Variants in KDM2B observed in about 807,000 individuals in gnomAD.
KDM2B encodes lysine demethylase 2B.
Under a neutral mutation model 150.0 loss-of-function variants are expected in KDM2B, and 26 were observed. That is an observed-to-expected ratio of 0.17 (90% CI 0.13 to 0.24). The LOEUF is 0.24. Among genes scored for constraint, KDM2B ranks in the 10% least tolerant of loss-of-function variants. The pLI, the probability that KDM2B is intolerant of heterozygous loss-of-function variation, is 1.00. For synonymous variants in KDM2B, 734 were observed against 729.5 expected, an observed-to-expected ratio of 1.01 and a Z score of -0.10; for missense variants, 1,265 against 1,816.9, an observed-to-expected ratio of 0.70 and a Z score of 5.52.
intron 6 of KDM2B, among the ~76,000 whole-genome samples, chr12:121,538,963 G>GA (rs528021506): frequency 1.2e-4 from 19 of 152,006 alleles, no homozygotes; most frequent in Non-Finnish European, 2.5e-4. Context: ...AAGGTCACCA[G>GA]AGTCCCCGCC....
At chr12:121,536,821 G>A (rs1317831676) in intron 6 of KDM2B, among the ~76,000 whole-genome samples, 1 of 152,230 alleles carries the variant, frequency 6.6e-6, no homozygotes, top group Non-Finnish European at 1.5e-5. Context: ...ACCCACAGCA[G>A]AGAGGAGAGG....
At chr12:121,546,468 C>T (rs1555310695) in intron 6 of KDM2B, among the ~76,000 whole-genome samples, 6 of 145,230 alleles carry the variant, frequency 4.1e-5, no homozygotes. Flanking sequence ...CTGCAAGCTC[C>T]ACCTCCTGGG....
chr12:121,511,466 A>G (rs1435083102), intron 10 of KDM2B, among the ~76,000 whole-genome samples: 1 of 151,888 alleles, frequency 6.6e-6, no homozygotes, highest in Non-Finnish European at 1.5e-5. Context: ...TCATATTTTT[A>G]GTAGAGACGA....
In KDM2B at chr12:121,559,197, G is replaced by A. The variant is rs533983366; in HGVS notation, c.398-9559C>T. On this transcript the variant is annotated intron_variant, in intron 4 of 22. Coordinates refer to ENST00000377071, the MANE Select transcript of KDM2B (RefSeq NM_032590.5). ...TGGGGCTGAAGTCATAGGGGGAAGC[G>A]TATAGGCAAGAGGCCTGGGCAGGCC... is the stretch of plus-strand genomic sequence containing the variant. 1.1e-4 allele frequency among the ~76,000 whole-genome samples: 16 copies of A among 152,326 alleles called. No individual in the cohort carries two copies. In the South Asian group the frequency reaches 1.2e-3, roughly 12 times the overall value.
intron 12 of KDM2B, among the ~76,000 whole-genome samples, chr12:121,479,745 C>G (rs1881873998): frequency 6.6e-6 from 1 of 152,028 alleles, no homozygotes; most frequent in Admixed American, 6.6e-5. Flanking sequence ...CCTCAGCCTC[C>G]CAAGTAGCTG....
At chr12:121,547,060 C>A (rs1555310810) in intron 6 of KDM2B, among the ~76,000 whole-genome samples, 1 of 152,250 alleles carries the variant, frequency 6.6e-6, no homozygotes, top group Admixed American at 6.5e-5. Flanking sequence ...CCTGATGACA[C>A]CAGCCAAATG....
At chr12:121,492,051 G>A (rs975189442) in intron 12 of KDM2B, among the ~76,000 whole-genome samples, 13 of 152,028 alleles carry the variant, frequency 8.6e-5, no homozygotes, top group South Asian at 8.3e-4. Context: ...CCAGCTACTC[G>A]GGAGGCTAAG....
rs781891058 is a variant in KDM2B at position 121,442,454 on chromosome 12, C to G, written c.2987G>C (p.Arg996Pro). The G allele has an allele frequency of 6.3e-7, 1 of 1,599,706 alleles. No homozygotes were observed. The highest frequency in any genetic ancestry group is 1.7e-5 in the Admixed American group (1 of 59,950). ...RPPGICERPH[R>P]FSKGLNGTPR... The stretch of plus-strand genomic sequence containing the variant: ...GGTGCCGTTGAGCCCCTTGCTGAAG[C>G]GGTGGGGACGCTCGCAGATGCCCGG... The change falls in exon 19 of 23, where the codon CGC (arginine) becomes CCC (proline). Residue 996 changes from arginine to proline, a missense_variant. Arg to Pro is a moderately radical substitution (Grantham distance 103). Around this residue, in one of 11 missense-constraint regions of KDM2B, gnomAD observed 418 missense variants for 402.4 expected, o/e 1.04. Transcript: ENST00000377071. This position sits in a 1 kb window ranked among gnomAD's most constrained non-coding sequence, Gnocchi z 7.7.
chr12:121,569,757 G>A (rs554438244), intron 4 of KDM2B, among the ~76,000 whole-genome samples: 2 of 152,096 alleles, frequency 1.3e-5, no homozygotes, highest in Admixed American at 6.5e-5. Flanking sequence ...AACATTCATC[G>A]CTCCATTTGA....
In KDM2B at chr12:121,547,612, C is replaced by T. The variant is rs79311012; in HGVS notation, c.683+1265G>A. Among the ~76,000 whole-genome samples the T allele has an allele frequency of 5.0e-3, 758 of 151,566 alleles. 6 individuals carry two copies. The highest frequency in any genetic ancestry group is 0.018 in the African/African-American group (725 of 41,300). On this transcript the variant is annotated intron_variant, in intron 6 of 22. Coordinates refer to ENST00000377071, the MANE Select transcript of KDM2B (RefSeq NM_032590.5). ...TTCTAGGAAGCCCAGAGCAATGGCC[C>T]TGCCTGGGACAGCCTGTGTCTCCTT...
chr12:121,513,255 G>A lies in KDM2B; in HGVS notation c.1174+21C>T. 1.2e-6 allele frequency: 2 copies of A among 1,610,092 alleles called. No individual in the cohort carries two copies. The highest frequency in any genetic ancestry group is 1.7e-6 in the Non-Finnish European group (2 of 1,177,252). On this transcript the variant is annotated intron_variant, in intron 10 of 22. Coordinates refer to ENST00000377071, the MANE Select transcript of KDM2B (RefSeq NM_032590.5). This position sits in a 1 kb window ranked among gnomAD's most constrained non-coding sequence, Gnocchi z 5.0. ...CCCCAGCTGTGCAGCCGAGGCCGTG[G>A]GCTCCCTCCGGTTCACTCACCAATA... is the stretch of plus-strand genomic sequence containing the variant.
intron 22 of KDM2B, among the ~76,000 whole-genome samples, chr12:121,436,249 C>T (rs558468842): frequency 2.6e-5 from 4 of 152,298 alleles, no homozygotes; most frequent in East Asian, 1.9e-4. Flanking sequence ...TGGCCGGACG[C>T]GGTGGCTCAC....
intron 12 of KDM2B, among the ~76,000 whole-genome samples, chr12:121,476,326 T>C (rs1002551858): frequency 3.3e-5 from 5 of 151,734 alleles, no homozygotes; most frequent in Non-Finnish European, 1.5e-5. Flanking sequence ...AGCATGGTAG[T>C]ATGCCTGTAG....
chr12:121,553,275 C>T (rs1433015739), intron 4 of KDM2B, among the ~76,000 whole-genome samples: 13 of 151,944 alleles, frequency 8.6e-5, no homozygotes, highest in Admixed American at 7.9e-4. Context: ...TCCCCACTCT[C>T]GCTCTCTGGC....
rs1183544473 is a variant in KDM2B, at chr12:121,572,440, T to TC, written c.397+2106dup. ...CACTCAGTTCCGCACTCCAAGTTTATCCCCCGACTTCCCTTGTGCCCTTGC... is the reference window on the plus strand; with the variant it reads ...CACTCAGTTCCGCACTCCAAGTTTATCCCCCCGACTTCCCTTGTGCCCTTGC... On this transcript the variant is annotated intron_variant, in intron 4 of 22. Transcript: ENST00000377071. Among the ~76,000 whole-genome samples the TC allele has an allele frequency of 5.3e-5, 8 of 152,216 alleles. No individual in the cohort carries two copies. In the East Asian group the frequency reaches 1.5e-3, roughly 29 times the overall value.
chr12:121,580,856 TG>T lies in KDM2B; in HGVS notation c.55del (p.His19MetfsTer88), dbSNP rs782657047. 1.9e-6 allele frequency: 3 copies of T among 1,614,150 alleles called. No individual in the cohort carries two copies. In the East Asian group the frequency reaches 6.7e-5, roughly 36 times the overall value. On this transcript the variant is annotated frameshift_variant, in exon 1 of 23. Coordinates refer to ENST00000377071, the MANE Select transcript of KDM2B (RefSeq NM_032590.5). LOFTEE classifies it high-confidence loss of function. ...TTTCTTTTTTTGCTTTTCTGCTGCA[TG>T]TCTTTTTCGTGGGGGGTGATCCTCT... ...SAEDHPPRKR[H>X]AAEKQKKKTV...
At chr12:121,553,119 C>G (rs547336330) in intron 4 of KDM2B, among the ~76,000 whole-genome samples, 17 of 152,018 alleles carry the variant, frequency 1.1e-4, no homozygotes, top group Non-Finnish European at 2.1e-4. Context: ...GTAGTCCCAG[C>G]TACTTGGGAG....
At chr12:121,422,929 C>T in the KDM2B span, among the ~76,000 whole-genome samples, 1 of 152,098 alleles carries the variant, frequency 6.6e-6, no homozygotes, top group Non-Finnish European at 1.5e-5. Flanking sequence ...GGAACTAAGG[C>T]TCCTTTTCCT....
At chr12:121,417,484 A>G in the KDM2B span, 2 of 1,596,896 alleles carry the variant, frequency 1.3e-6, no homozygotes, top group African/African-American at 2.7e-5. This position sits in a 1 kb window ranked among gnomAD's most constrained non-coding sequence, Gnocchi z 5.0. Context: ...TGCTGTCATC[A>G]AATGCTTTTC....
Sources: allele counts gnomAD v4.1 joint callset (sites outside exome capture counted in the v4.1 genomes callset), GRCh38; gene constraint gnomAD v4.1.1; regional missense constraint gnomAD v4.1.1; non-coding constraint Gnocchi (gnomAD v3.1); transcripts MANE v1.5; gene names NCBI Gene and HGNC (gene_info 2026-07-23, HGNC 2026-07-21).